CKAP2L: variants seen among roughly 807,000 people sequenced by gnomAD.
CKAP2L encodes cytoskeleton associated protein 2L.
In CKAP2L, 42 loss-of-function variants were observed where a neutral mutation model predicts 65.7. That is an observed-to-expected ratio of 0.64 (90% confidence interval 0.50 to 0.83). The LOEUF (loss-of-function observed/expected upper bound fraction) is 0.83, where lower values mean the gene tolerates loss of function less well. Among genes scored for constraint, CKAP2L ranks in the 40% least tolerant of loss-of-function variants. The pLI, the probability that CKAP2L is intolerant of heterozygous loss-of-function variation, is 0.00. For synonymous variants in CKAP2L, 325 were observed against 313.5 expected, an observed-to-expected ratio of 1.04 and a Z score of -0.39; for missense variants, 908 against 871.0, an observed-to-expected ratio of 1.04 and a Z score of -0.53.
chr2:112,754,601 T>C (rs1026129234), intron 4 of CKAP2L, among the ~76,000 whole-genome samples: 1 of 152,236 alleles, frequency 6.6e-6, no homozygotes, highest in African/African-American at 2.4e-5. Context: ...AGGTAAAGAC[T>C]CACTGTGTGC....
At chr2:112,750,106 G>A (rs1279895151) in intron 5 of CKAP2L, among the ~76,000 whole-genome samples, 1 of 152,130 alleles carries the variant, frequency 6.6e-6, no homozygotes, top group Non-Finnish European at 1.5e-5. Context: ...CTTCCTTACA[G>A]TTGGAGTCCC....
At chr2:112,755,112 C>T (rs1017440228) in intron 4 of CKAP2L, among the ~76,000 whole-genome samples, 2 of 152,136 alleles carry the variant, frequency 1.3e-5, no homozygotes, top group African/African-American at 4.8e-5. Context: ...ATTTTACATG[C>T]TCCCTTCACT....
chr2:112,761,737 T>C (rs1680730245), intron 2 of CKAP2L, among the ~76,000 whole-genome samples: 1 of 152,194 alleles, frequency 6.6e-6, no homozygotes, highest in Non-Finnish European at 1.5e-5. Context: ...GCATAAGCCC[T>C]GGGAGGGCAG....
chr2:112,752,362 T>C lies in CKAP2L; in HGVS notation c.1507A>G (p.Ser503Gly). The C allele has an allele frequency of 1.2e-6, 2 of 1,613,334 alleles. No homozygotes were observed. Among genetic ancestry groups the C allele is most frequent in the Non-Finnish European group, 1.7e-6 (2 of 1,179,346 alleles). The change falls in exon 5 of 9, where the codon AGC (serine) becomes GGC (glycine). Residue 503 changes from serine (S) to glycine (G), a missense_variant. Ser to Gly is a moderately conservative substitution (Grantham distance 56). Transcript: ENST00000302450. ...IKEMNISFWK[S>G]IEKEEEEKKA... is the part of the protein sequence containing the mutation. ...TTTTCTTCCTCTTCTTTTTCAATGC[T>C]CTTCCAGAATGAAATATTCATTTCC...
At chr2:112,757,246 AT>A in intron 3 of CKAP2L, 32 bp from the exon 4 acceptor site, 1 of 1,411,096 alleles carries the variant, frequency 7.1e-7, no homozygotes, top group South Asian at 1.3e-5. Flanking sequence ...ATATTAAAAA[AT>A]CCTTAACATA....
At chr2:112,744,809 C>T (rs893152960) in intron 6 of CKAP2L, among the ~76,000 whole-genome samples, 1 of 152,176 alleles carries the variant, frequency 6.6e-6, no homozygotes, top group Non-Finnish European at 1.5e-5. Context: ...GTTGAAGCCC[C>T]ATCCATGTGT....
chr2:112,761,537 G>A (rs1282101400), intron 2 of CKAP2L, among the ~76,000 whole-genome samples: 3 of 150,582 alleles, frequency 2.0e-5, no homozygotes, highest in Non-Finnish European at 4.4e-5. Flanking sequence ...CTTTAAGGGG[G>A]TAAAGAAATA....
At chr2:112,739,352 T>G (rs1034087119) in intron 8 of CKAP2L, among the ~76,000 whole-genome samples, 16 of 152,028 alleles carry the variant, frequency 1.1e-4, no homozygotes, top group African/African-American at 3.6e-4. Flanking sequence ...GCCCAGAAGG[T>G]CAAGGCTGCA....
chr2:112,754,624 C>T (rs951950906), intron 4 of CKAP2L, among the ~76,000 whole-genome samples: 2 of 152,244 alleles, frequency 1.3e-5, no homozygotes, highest in African/African-American at 4.8e-5. Flanking sequence ...ATCACTGTGT[C>T]TCCTAGCGCC....
At chr2:112,749,886 A>G (rs1680313506) in intron 5 of CKAP2L, among the ~76,000 whole-genome samples, 1 of 152,076 alleles carries the variant, frequency 6.6e-6, no homozygotes, top group South Asian at 2.1e-4. Context: ...GAGAAGGAAG[A>G]CACTTGCTTC....
At position 112,762,521 on chromosome 2, in the gene CKAP2L, A is replaced by C. The variant is rs201715689; in HGVS notation, c.86T>G (p.Leu29Arg). Reference protein sequence around the residue: ...LQEYLAAKGKLKSQNTKPYLK... With the variant: ...LQEYLAAKGKRKSQNTKPYLK... ...AACTCACTTGGTGTTTTGGCTCTTC[A>C]GTTTTCCCTTGGCTGCAAGGTACTC... Residue 29 changes from leucine (L) to arginine (R), a missense_variant, in exon 2 of 9, where the codon CTG (leucine) becomes CGG (arginine). Transcript: ENST00000302450. 6.2e-7 allele frequency: 1 copy of C among 1,614,024 alleles called. No individual in the cohort carries two copies. Among genetic ancestry groups the C allele is most frequent in the South Asian group, 1.1e-5 (1 of 91,084 alleles).
Position 112,740,957 on chromosome 2 carries a change from C to T in CKAP2L, c.1873G>A (p.Glu625Lys), listed in dbSNP as rs1574317793. 29 of 1,613,788 alleles carry T rather than the reference C, an allele frequency of 1.8e-5. No homozygotes were observed. The East Asian group carries it at 6.5e-4, about 36-fold the overall frequency. Residue 625 changes from glutamate (E) to lysine (K), a missense_variant, in exon 8 of 9, where the codon GAG becomes AAG. Transcript: ENST00000302450. Reference sequence around the variant, plus strand: ...ACAGATTCCATCTTCTTGGCCAGCTCTTCCACTGATGTTATACTAGTTTCA... The same window carrying T: ...ACAGATTCCATCTTCTTGGCCAGCTTTTCCACTGATGTTATACTAGTTTCA... ...VAETSITSVE[E>K]LAKKMESVKS...
Position 112,746,366 on chromosome 2 carries a change from G to A in CKAP2L, c.1758+54C>T, listed in dbSNP as rs1050622067. On this transcript the variant is annotated intron_variant, in intron 6 of 8. Transcript: ENST00000302450. ...CCATCATATTACAAACAACAACAGA[G>A]AACTCACATGAAAGAGAATTTTAAG... is the stretch of plus-strand genomic sequence containing the variant. 4.1e-6 allele frequency: 6 copies of A among 1,450,594 alleles called. No homozygotes were observed. The African/African-American group carries it at 4.2e-5, about 10-fold the overall frequency. The allele number at this position is 1,450,594 out of a possible 1,614,324, so 89.9% of individuals were successfully genotyped here.
At chr2:112,754,448 T>C (rs1680472980) in intron 4 of CKAP2L, among the ~76,000 whole-genome samples, 2 of 152,232 alleles carry the variant, frequency 1.3e-5, no homozygotes, top group African/African-American at 2.4e-5. Flanking sequence ...CCTAGCATTT[T>C]CCCTATCTCC....
At chr2:112,754,211 C>A (rs1284582852) in intron 4 of CKAP2L, among the ~76,000 whole-genome samples, 2 of 152,230 alleles carry the variant, frequency 1.3e-5, no homozygotes, top group African/African-American at 4.8e-5. Flanking sequence ...TAACGCCCCC[C>A]TCCTGGCAAT....
intron 6 of CKAP2L, among the ~76,000 whole-genome samples, chr2:112,744,671 G>A (rs950949668): frequency 6.6e-6 from 1 of 152,148 alleles, no homozygotes; most frequent in Non-Finnish European, 1.5e-5. Context: ...CTGGCAGCCT[G>A]GTGTCTAGCT....
In CKAP2L at chr2:112,738,482, A is replaced by G. The variant is rs963863091; in HGVS notation, c.*341T>C. 1 of 228,174 alleles carries G rather than the reference A, an allele frequency of 4.4e-6. No homozygotes were observed. The highest frequency in any genetic ancestry group is 2.3e-5 in the African/African-American group (1 of 42,896). 14.1% of individuals were successfully genotyped at this position (228,174 alleles called of 1,614,324 possible). Reference sequence around the variant, plus strand: ...CTGCTAAGGTGGATGCAGAAAGAAAAGTCCCATTATATTGTGGGACCAACC... The same window carrying G: ...CTGCTAAGGTGGATGCAGAAAGAAAGGTCCCATTATATTGTGGGACCAACC... On this transcript the variant is annotated 3_prime_UTR_variant, in exon 9 of 9. Transcript: ENST00000302450.
chr2:112,745,356 T>C (rs1204929256), intron 6 of CKAP2L, among the ~76,000 whole-genome samples: 2 of 151,836 alleles, frequency 1.3e-5, no homozygotes, highest in African/African-American at 4.8e-5. Flanking sequence ...AATCATAGTA[T>C]ATATTGCATG....
chr2:112,759,412 A>G (rs994711206), intron 3 of CKAP2L, among the ~76,000 whole-genome samples: 3 of 152,238 alleles, frequency 2.0e-5, no homozygotes, highest in Non-Finnish European at 4.4e-5. Context: ...ACTATTATTT[A>G]CATCGTGCTT....
Sources: gnomAD v4.1 joint callset for allele counts (sites outside exome capture counted in the v4.1 genomes callset) on GRCh38, gnomAD v4.1.1 for gene constraint, MANE v1.5 for transcripts, NCBI Gene and HGNC (gene_info 2026-07-23, HGNC 2026-07-21) for gene names.